The following LRP1B variants were observed in gnomAD, a reference collection of about 807,000 sequenced individuals.
The protein encoded by LRP1B is low-density lipoprotein receptor-related protein 1B.
Under a neutral mutation model 556.6 loss-of-function variants are expected in LRP1B, and 217 were observed. The observed-to-expected ratio is 0.39, with a 90% confidence interval of 0.35 to 0.44. LRP1B has a LOEUF of 0.44. LRP1B is among the 20% of genes least tolerant of loss of function. The pLI is 1.00. For missense variants in LRP1B, 5,053 were observed against 5,620.8 expected (o/e 0.90, Z 3.23); for synonymous variants, 2,047 against 1,865.8 (o/e 1.10, Z -2.50).
chr2:142,026,232 T>G (rs997505405), intron 1 of LRP1B, among the ~76,000 whole-genome samples: 2 of 152,130 alleles, frequency 1.3e-5, no homozygotes, highest in African/African-American at 4.8e-5. Context: ...TTTACTCTCA[T>G]TTTTAACTTA....
At chr2:141,542,388 A>C (rs1685292791) in intron 2 of LRP1B, among the ~76,000 whole-genome samples, 2 of 152,030 alleles carry the variant, frequency 1.3e-5, no homozygotes. Context: ...AGAATATTAA[A>C]GATATCTATT....
chr2:142,019,285 C>T (rs1417097810), intron 1 of LRP1B, among the ~76,000 whole-genome samples: 1 of 152,010 alleles, frequency 6.6e-6, no homozygotes, highest in African/African-American at 2.4e-5. Context: ...GGTGTGTGAG[C>T]CTACGTTAGT....
chr2:141,678,841 A>T (rs2105426031), intron 2 of LRP1B, among the ~76,000 whole-genome samples: 1 of 152,296 alleles, frequency 6.6e-6, no homozygotes, highest in African/African-American at 2.4e-5. Flanking sequence ...AGCTTCTAAG[A>T]TGGCTTTAGA....
intron 18 of LRP1B, among the ~76,000 whole-genome samples, chr2:140,958,147 T>C (rs1452898162): frequency 2.0e-5 from 3 of 151,324 alleles, no homozygotes; most frequent in Non-Finnish European, 3.0e-5. Flanking sequence ...TAATAATAAT[T>C]ATAAAATAAT....
At chr2:140,648,525 G>T (rs538927695) in intron 41 of LRP1B, among the ~76,000 whole-genome samples, 7 of 151,976 alleles carry the variant, frequency 4.6e-5, no homozygotes, top group Non-Finnish European at 7.4e-5. Flanking sequence ...GTGAGGAGGG[G>T]TGGGGTGATC....
intron 25 of LRP1B, among the ~76,000 whole-genome samples, chr2:140,876,007 A>C (rs1416901068): frequency 6.6e-6 from 1 of 152,106 alleles, no homozygotes; most frequent in South Asian, 2.1e-4. Context: ...TCTCTTTAGA[A>C]GGTGGTTTTA....
intron 1 of LRP1B, among the ~76,000 whole-genome samples, chr2:141,824,557 G>C (rs1045014168): frequency 6.6e-6 from 1 of 152,130 alleles, no homozygotes; most frequent in African/African-American, 2.4e-5. Context: ...AGTAGAGACG[G>C]GGTTTCACCG....
At chr2:141,137,101 A>G (rs1220005379) in intron 7 of LRP1B, among the ~76,000 whole-genome samples, 4 of 152,006 alleles carry the variant, frequency 2.6e-5, no homozygotes, top group Non-Finnish European at 2.9e-5. Context: ...GAGAATTGAA[A>G]AAGATTTTGT....
chr2:140,988,850 TTTTC>T (rs146359507), intron 17 of LRP1B, among the ~76,000 whole-genome samples: 1,819 of 152,272 alleles, frequency 0.012, 46 homozygotes, highest in African/African-American at 0.042. Context: ...TGAACTATTT[TTTTC>T]TTTATCATTT....
intron 43 of LRP1B, among the ~76,000 whole-genome samples, chr2:140,578,719 A>AC (rs5834759): frequency 0.45 from 68,731 of 151,832 alleles, 15,685 homozygotes; most frequent in Middle Eastern, 0.6. Flanking sequence ...GTGCACATGT[A>AC]CCCTAAAACT....
chr2:141,605,849 A>G (rs1429188048), intron 2 of LRP1B, among the ~76,000 whole-genome samples: 1 of 152,136 alleles, frequency 6.6e-6, no homozygotes, highest in Non-Finnish European at 1.5e-5. Flanking sequence ...ATTGTCTGTT[A>G]CATATGTTTT....
chr2:140,294,783 GA>G (rs1274032586), intron 84 of LRP1B, among the ~76,000 whole-genome samples: 1 of 152,200 alleles, frequency 6.6e-6, no homozygotes, highest in African/African-American at 2.4e-5. Flanking sequence ...TTAGTGGGTG[GA>G]AGTTGTGTTG....
At chr2:141,466,552 AGGTAGATACTGT>A (rs551822491) in intron 3 of LRP1B, among the ~76,000 whole-genome samples, 358 of 152,306 alleles carry the variant, frequency 2.4e-3, no homozygotes, top group African/African-American at 7.6e-3. Context: ...AATGGGATAA[AGGTAGATACTGT>A]GTTTAATCAG....
intron 1 of LRP1B, among the ~76,000 whole-genome samples, chr2:142,059,003 GT>G (rs1297909304): frequency 2.6e-5 from 4 of 152,086 alleles, no homozygotes; most frequent in African/African-American, 9.7e-5. Flanking sequence ...TTATTTACAT[GT>G]AAAATATGGA....
chr2:141,115,659 T>TG (rs58590862), intron 7 of LRP1B, among the ~76,000 whole-genome samples: 9,444 of 95,714 alleles, frequency 0.099, 342 homozygotes, highest in Non-Finnish European at 0.12. Context: ...GTGTGTGTGT[T>TG]TTTTAGTAGA....
chr2:141,330,747 C>CTTTTTTTTTTTTTTTTTT (rs530844983), intron 3 of LRP1B, among the ~76,000 whole-genome samples: 1 of 107,860 alleles, frequency 9.3e-6, no homozygotes, highest in Non-Finnish European at 1.9e-5. Context: ...GGCTAACAAA[C>CTTTTTTTTTTTTTTTTTT]TTTTTTTTTT....
chr2:141,480,561 T>C (rs769141890), intron 2 of LRP1B, 28 bp from the exon 3 acceptor site: 5 of 1,612,236 alleles, frequency 3.1e-6, no homozygotes, highest in Admixed American at 3.3e-5. Context: ...AGAACAGAAT[T>C]ATGTGTTAGC....
intron 2 of LRP1B, among the ~76,000 whole-genome samples, chr2:141,757,185 T>C (rs2105583742): frequency 6.6e-6 from 1 of 152,308 alleles, no homozygotes; most frequent in South Asian, 2.1e-4. Flanking sequence ...AGAAATTTTT[T>C]TAAGTCCACT....
chr2:140,381,972 A>T (rs1364389616), intron 67 of LRP1B, among the ~76,000 whole-genome samples: 1 of 152,118 alleles, frequency 6.6e-6, no homozygotes, highest in African/African-American at 2.4e-5. Context: ...ACAACCACAG[A>T]ACTGAAAAGA....
Sources: allele counts gnomAD v4.1 joint callset (sites outside exome capture counted in the v4.1 genomes callset), GRCh38; gene constraint gnomAD v4.1.1; transcripts MANE v1.5; gene names NCBI Gene and HGNC (gene_info 2026-07-23, HGNC 2026-07-21).